Variants in DNAAF2 observed in about 807,000 individuals in gnomAD.
The protein encoded by DNAAF2 is dynein axonemal assembly factor 2.
A neutral mutation model predicts 48.8 loss-of-function variants in DNAAF2; 58 were observed. The ratio of observed to expected loss-of-function variants is 1.19; its 90% CI spans 0.96 to 1.48. The LOEUF (loss-of-function observed/expected upper bound fraction) is 1.48, where lower values mean the gene tolerates loss of function less well. Ranked by LOEUF, DNAAF2 falls within the 40% of genes most tolerant of loss-of-function variation. The pLI is 0.00. For synonymous variants in DNAAF2, 567 were observed against 481.2 expected, an observed-to-expected ratio of 1.18 and a Z score of -2.33; for missense variants, 1,241 against 1,116.1, an observed-to-expected ratio of 1.11 and a Z score of -1.59.
rs755675056 is a variant in DNAAF2, at chr14:49,635,174, G to C, written c.-25C>G. ...TACTGTCCTGTGGCTCCTCGCCCTC[G>C]GGCCAAAGGCGATCAGTCTGACACT... On this transcript the variant is annotated 5_prime_UTR_variant, in exon 1 of 3. Coordinates refer to ENST00000298292, the MANE Select transcript of DNAAF2 (RefSeq NM_018139.3). 14 of 1,549,880 alleles carry C rather than the reference G, an allele frequency of 9.0e-6. No individual in the cohort carries two copies. The South Asian group carries it at 9.5e-5, about 11-fold the overall frequency.
chr14:49,625,635 G>C lies in DNAAF2; in HGVS notation c.2421C>G (p.Thr807=), dbSNP rs1594602058. Residue 807 remains threonine (T), a synonymous_variant, in exon 3 of 3, where the codon ACC becomes ACG. Transcript: ENST00000298292. ...CCTGCACACTACCATCCTGCATATT[G>C]GTTTCTTTTATGCTGTCGAATCCAG... is the stretch of plus-strand genomic sequence containing the variant. ...NIPGFDSIKE[T]NMQDGSVQVI... The C allele has an allele frequency of 1.2e-6, 2 of 1,613,476 alleles. No homozygotes were observed. The highest frequency in any genetic ancestry group is 3.3e-5 in the Admixed American group (2 of 59,960).
rs1883316401 is a variant in DNAAF2, at chr14:49,635,235, G to C, written c.-86C>G. ...ATCCGCCTCAGAGTTTCTGGGCAGCGTACAGTGACGCGGTGGAGGTCGGTA... is the reference window on the plus strand; with the variant it reads ...ATCCGCCTCAGAGTTTCTGGGCAGCCTACAGTGACGCGGTGGAGGTCGGTA... On this transcript the variant is annotated 5_prime_UTR_variant, in exon 1 of 3. Coordinates refer to ENST00000298292, the MANE Select transcript of DNAAF2 (RefSeq NM_018139.3). 1 of 1,396,202 alleles carries C rather than the reference G, an allele frequency of 7.2e-7. No individual in the cohort carries two copies. The highest frequency in any genetic ancestry group is 9.9e-7 in the Non-Finnish European group (1 of 1,013,196). The allele number at this position is 1,396,202 out of a possible 1,614,324, so 86.5% of individuals were successfully genotyped here. A position where few individuals can be genotyped will look rare whatever the true frequency, so the allele number is the denominator to read the frequency against.
rs556012190 is a variant in DNAAF2 at position 49,634,037 on chromosome 14, G to A, written c.1113C>T (p.Asp371=). 4.6e-6 allele frequency: 7 copies of A among 1,519,702 alleles called. No individual in the cohort carries two copies. In the East Asian group the frequency reaches 1.2e-4, roughly 27 times the overall value. 94.1% of individuals were successfully genotyped at this position (1,519,702 alleles called of 1,614,324 possible). ...AGGCCTGGCCGTCAGTTCCGGACCG[G>A]TCCGCGGACTCTTCCGGCGCGGCGG... ...VAAAAPEESA[D]RSGTDGQACA... is the part of the protein sequence containing the mutation. Residue 371 remains aspartate, a synonymous_variant, in exon 1 of 3, where the codon GAC becomes GAT. Transcript: ENST00000298292.
rs1261094239 is a variant in DNAAF2 at position 49,633,984 on chromosome 14, C to G, written c.1166G>C (p.Gly389Ala). The G allele has an allele frequency of 2.0e-6, 3 of 1,524,550 alleles. No homozygotes were observed. Among genetic ancestry groups the G allele is most frequent in the Non-Finnish European group, 2.6e-6 (3 of 1,142,494 alleles). 94.4% of individuals were successfully genotyped at this position (1,524,550 alleles called of 1,614,324 possible). A position where few individuals can be genotyped will look rare whatever the true frequency, so the allele number is the denominator to read the frequency against. ...GTCCTCCGCGCGACTCCTCGCGGGT[C>G]CCGCCTCCCCCTCGCGAGCGGAAGC... ...ACASAREGEA[G>A]PARSRAEDGG... The change falls in exon 1 of 3, where the codon GGA (glycine) becomes GCA (alanine). Residue 389 changes from glycine to alanine, a missense_variant. Physicochemically the swap from Gly to Ala is moderately conservative, Grantham distance 60. Coordinates refer to ENST00000298292, the MANE Select transcript of DNAAF2 (RefSeq NM_018139.3).
chr14:49,634,257 G>C lies in DNAAF2; in HGVS notation c.893C>G (p.Ala298Gly). ...ELPLLRSAEQ[A>G]ALEVTRKLLC... is the part of the protein sequence containing the mutation. ...CAGCTTTCTCGTTACCTCCAGCGCC[G>C]CCTGCTCGGCCGAGCGCAACAGCGG... The change falls in exon 1 of 3, where the codon GCG becomes GGG. Residue 298 changes from alanine (A) to glycine (G), a missense_variant. Ala to Gly is a moderately conservative substitution (Grantham distance 60). Coordinates refer to ENST00000298292, the MANE Select transcript of DNAAF2 (RefSeq NM_018139.3). 6.2e-7 allele frequency: 1 copy of C among 1,612,244 alleles called. No homozygotes were observed. Among genetic ancestry groups the C allele is most frequent in the Middle Eastern group, 1.7e-4 (1 of 6,060 alleles).
chr14:49,634,668 C>T lies in DNAAF2; in HGVS notation c.482G>A (p.Arg161His). Residue 161 changes from arginine to histidine, a missense_variant, in exon 1 of 3, where the codon CGC becomes CAC. Physicochemically the swap from Arg to His is conservative, Grantham distance 29. Coordinates refer to ENST00000298292, the MANE Select transcript of DNAAF2 (RefSeq NM_018139.3). ...LALARRHEGF[R>H]QMLDATALEA... ...CAGGGCCGTGGCGTCCAGCATCTGG[C>T]GGAAGCCCTCGTGCCGCCGGGCCAG... 2 of 1,606,476 alleles carry T rather than the reference C, an allele frequency of 1.2e-6. No homozygotes were observed. The highest frequency in any genetic ancestry group is 1.7e-6 in the Non-Finnish European group (2 of 1,179,688).
In DNAAF2 at chr14:49,634,945, A is replaced by C. The variant is rs1566513681; in HGVS notation, c.205T>G (p.Phe69Val). ...ACATGGCCGGGCTCCGGGTGCACGAACCGCACTTCCACCCCGCGCTCACGC... is the reference window on the plus strand; with the variant it reads ...ACATGGCCGGGCTCCGGGTGCACGACCCGCACTTCCACCCCGCGCTCACGC... ...LERERGVEVR[F>V]VHPEPGHVLR... is the part of the protein sequence containing the mutation. The change falls in exon 1 of 3, where the codon TTC (phenylalanine) becomes GTC (valine). Residue 69 changes from phenylalanine (F) to valine (V), a missense_variant. Physicochemically the swap from Phe to Val is conservative, Grantham distance 50. Transcript: ENST00000298292. The C allele has an allele frequency of 6.4e-7, 1 of 1,557,158 alleles. No homozygotes were observed. Among genetic ancestry groups the C allele is most frequent in the South Asian group, 1.2e-5 (1 of 84,774 alleles).
At position 49,635,061 on chromosome 14, in the gene DNAAF2, G is replaced by C; in HGVS notation, c.89C>G (p.Pro30Arg). 1.9e-6 allele frequency: 3 copies of C among 1,586,412 alleles called. No homozygotes were observed. Among genetic ancestry groups the C allele is most frequent in the Non-Finnish European group, 1.7e-6 (2 of 1,167,240 alleles). ...VQRLTSAFQD[P>R]EFRRMFSQYA... ...CTGGGAGAACATTCGCCGGAACTCC[G>C]GGTCCTGGAAGGCGGAGGTGAGCCG... The change falls in exon 1 of 3, where the codon CCG becomes CGG. Residue 30 changes from proline (P) to arginine (R), a missense_variant. Transcript: ENST00000298292.
Position 49,626,157 on chromosome 14 carries a change from C to T in DNAAF2, c.2008-109G>A, listed in dbSNP as rs145723381. On this transcript the variant is annotated intron_variant, in intron 2 of 2. Coordinates refer to ENST00000298292, the MANE Select transcript of DNAAF2 (RefSeq NM_018139.3). ...AACAGTTGTGAGGTAATAGCCCTTA[C>T]AGACCTGCAGGTATACATCCAGGCT... 2.0e-3 allele frequency: 1,683 copies of T among 857,054 alleles called. 25 individuals carry two copies. The African/African-American group carries it at 0.026, about 13-fold the overall frequency. The allele number at this position is 857,054 out of a possible 1,614,324, so 53.1% of individuals were successfully genotyped here. A position where few individuals can be genotyped will look rare whatever the true frequency, so the allele number is the denominator to read the frequency against.
At position 49,635,234 on chromosome 14, in the gene DNAAF2, C is replaced by A; in HGVS notation, c.-85G>T. On this transcript the variant is annotated 5_prime_UTR_variant, in exon 1 of 3. Coordinates refer to ENST00000298292, the MANE Select transcript of DNAAF2 (RefSeq NM_018139.3). ...GATCCGCCTCAGAGTTTCTGGGCAG[C>A]GTACAGTGACGCGGTGGAGGTCGGT... 1 of 1,393,332 alleles carries A rather than the reference C, an allele frequency of 7.2e-7. No individual in the cohort carries two copies. The allele number at this position is 1,393,332 out of a possible 1,614,324, so 86.3% of individuals were successfully genotyped here. A position where few individuals can be genotyped will look rare whatever the true frequency, so the allele number is the denominator to read the frequency against.
At chr14:49,627,296 G>A (rs889307762) in intron 2 of DNAAF2, among the ~76,000 whole-genome samples, 2 of 151,958 alleles carry the variant, frequency 1.3e-5, no homozygotes, top group African/African-American at 2.4e-5. Context: ...TATGTCTGTC[G>A]ATTGTGGTAG....
Position 49,635,176 on chromosome 14 carries a change from G to A in DNAAF2, c.-27C>T, listed in dbSNP as rs1451890413. On this transcript the variant is annotated 5_prime_UTR_variant, in exon 1 of 3. Transcript: ENST00000298292. ...CTGTCCTGTGGCTCCTCGCCCTCGG[G>A]CCAAAGGCGATCAGTCTGACACTGG... 1 of 1,549,430 alleles carries A rather than the reference G, an allele frequency of 6.5e-7. No homozygotes were observed. The highest frequency in any genetic ancestry group is 2.4e-5 in the East Asian group (1 of 40,948).
rs1452044433 is a variant in DNAAF2 at position 49,634,354 on chromosome 14, G to A, written c.796C>T (p.Gln266Ter). ...SVVQRHHVDL[Q>*]DYRCSRDSAP... ...GAGTCCCTGGAGCAGCGGTAATCCT[G>A]GAGGTCCACGTGGTGGCGCTGCACC... Residue 266 changes from glutamine (Q) to a stop codon, truncating the protein, a stop_gained, in exon 1 of 3, where the codon CAG becomes TAG. Coordinates refer to ENST00000298292, the MANE Select transcript of DNAAF2 (RefSeq NM_018139.3). LOFTEE classifies it high-confidence loss of function. 4 of 1,609,310 alleles carry A rather than the reference G, an allele frequency of 2.5e-6. No homozygotes were observed. The African/African-American group carries it at 5.3e-5, about 21-fold the overall frequency.
In DNAAF2 at chr14:49,625,372, A is replaced by G. The variant is rs1387542219; in HGVS notation, c.*170T>C. 4 of 416,384 alleles carry G rather than the reference A, an allele frequency of 9.6e-6. No homozygotes were observed. Among genetic ancestry groups the G allele is most frequent in the Non-Finnish European group, 8.0e-6 (2 of 250,034 alleles). The allele number at this position is 416,384 out of a possible 1,614,324, so 25.8% of individuals were successfully genotyped here. ...AAACTCCAGAGGCAAAAAAAAAAAA[A>G]TTATCTCCAATTTCCCCCATGAGAA... is the stretch of plus-strand genomic sequence containing the variant. On this transcript the variant is annotated 3_prime_UTR_variant, in exon 3 of 3. Transcript: ENST00000298292.
At chr14:49,627,854 C>CAA (rs1192627447) in intron 2 of DNAAF2, among the ~76,000 whole-genome samples, 158 bp downstream of exon 2, 2 of 110,286 alleles carry the variant, frequency 1.8e-5, no homozygotes, top group African/African-American at 3.3e-5. Context: ...GACTCCATCT[C>CAA]AAAAAAAAAA....
At position 49,633,873 on chromosome 14, in the gene DNAAF2, G is replaced by C; in HGVS notation, c.1277C>G (p.Ala426Gly). The C allele has an allele frequency of 1.3e-6, 2 of 1,539,060 alleles. No homozygotes were observed. Among genetic ancestry groups the C allele is most frequent in the Non-Finnish European group, 1.7e-6 (2 of 1,149,036 alleles). Reference sequence around the variant, plus strand: ...CTTGGGGACACGCTCCTCTCCAGCTGCGGCCGGCGGAGGCGCCACCTCCGG... The same window carrying C: ...CTTGGGGACACGCTCCTCTCCAGCTCCGGCCGGCGGAGGCGCCACCTCCGG... ...GDPEVAPPPA[A>G]AGEERVPKPG... Residue 426 changes from alanine to glycine, a missense_variant, in exon 1 of 3, where the codon GCA becomes GGA. By Grantham distance (60) the Ala-to-Gly change is moderately conservative. Coordinates refer to ENST00000298292, the MANE Select transcript of DNAAF2 (RefSeq NM_018139.3).
intron 1 of DNAAF2, among the ~76,000 whole-genome samples, chr14:49,631,661 A>G (rs1208900781): frequency 2.0e-5 from 3 of 152,332 alleles, no homozygotes; most frequent in African/African-American, 7.2e-5. Context: ...TTGCCTTCTC[A>G]GTCTAATGAC....
At chr14:49,632,829 TAA>T (rs373338205) in intron 1 of DNAAF2, among the ~76,000 whole-genome samples, 1 of 152,180 alleles carries the variant, frequency 6.6e-6, no homozygotes, top group African/African-American at 2.4e-5. Context: ...TTAAAAGAGC[TAA>T]AAAAATTACA....
chr14:49,633,972 CTCCTCGCGGG>C lies in DNAAF2; in HGVS notation c.1168_1177del (p.Pro390ValfsTer48). The C allele has an allele frequency of 1.3e-6, 2 of 1,526,718 alleles. No individual in the cohort carries two copies. Among genetic ancestry groups the C allele is most frequent in the Non-Finnish European group, 1.7e-6 (2 of 1,143,228 alleles). 94.6% of individuals were successfully genotyped at this position (1,526,718 alleles called of 1,614,324 possible). A position where few individuals can be genotyped will look rare whatever the true frequency, so the allele number is the denominator to read the frequency against. On this transcript the variant is annotated frameshift_variant, in exon 1 of 3. Coordinates refer to ENST00000298292, the MANE Select transcript of DNAAF2 (RefSeq NM_018139.3). LOFTEE classifies it high-confidence loss of function. ...ATCGTGGCCTCCGTCCTCCGCGCGA[CTCCTCGCGGG>C]TCCCGCCTCCCCCTCGCGAGCGGAA... is the stretch of plus-strand genomic sequence containing the variant.
Sources: allele counts gnomAD v4.1 joint callset (sites outside exome capture counted in the v4.1 genomes callset), GRCh38; gene constraint gnomAD v4.1.1; transcripts MANE v1.5; gene names NCBI Gene and HGNC (gene_info 2026-07-23, HGNC 2026-07-21).